NAALADL2: variants seen among roughly 807,000 people sequenced by gnomAD.
NAALADL2 encodes N-acetylated alpha-linked acidic dipeptidase like 2.
Under a neutral mutation model 87.2 loss-of-function variants are expected in NAALADL2, and 76 were observed. The observed-to-expected ratio is 0.87, with a 90% CI of 0.72 to 1.05. The LOEUF is 1.05. Ranked by LOEUF, NAALADL2 falls within the 50% of genes least tolerant of loss-of-function variation. The pLI is 0.00. For missense variants in NAALADL2, 1,089 were observed against 945.8 expected (o/e 1.15, Z -1.99); for synonymous variants, 354 against 331.0 (o/e 1.07, Z -0.75).
chr3:175,284,719 TA>T (rs1351251495), intron 4 of NAALADL2, among the ~76,000 whole-genome samples: 1 of 152,060 alleles, frequency 6.6e-6, no homozygotes, highest in Non-Finnish European at 1.5e-5. Flanking sequence ...ATTACATAAC[TA>T]AATTAAAATA....
At position 174,962,377 on chromosome 3, in the gene NAALADL2, T is replaced by TATATATATATATGTCATAGTGACTATGAC. The variant is rs1560417031; in HGVS notation, c.43+102939_43+102940insGTCATAGTGACTATGACATATATATATAT. Among the ~76,000 whole-genome samples the TATATATATATATGTCATAGTGACTATGAC allele has an allele frequency of 2.7e-4, 27 of 101,424 alleles. 1 individual carries two copies. Among genetic ancestry groups the TATATATATATATGTCATAGTGACTATGAC allele is most frequent in the African/African-American group, 2.3e-3 (25 of 10,962 alleles). The allele number at this position is 101,424 out of a possible 152,430, so 66.5% of individuals were successfully genotyped here. A position where few individuals can be genotyped will look rare whatever the true frequency, so the allele number is the denominator to read the frequency against. ...ATTGTCATAGTGACTATGACATATA[T>TATATATATATATGTCATAGTGACTATGAC]ATATATATATATATATATGTCATAG... On this transcript the variant is annotated intron_variant, in intron 1 of 13. Transcript: ENST00000454872.
At position 175,700,265 on chromosome 3, in the gene NAALADL2, G is replaced by A. The variant is rs992686291; in HGVS notation, c.1897-37041G>A. Among the ~76,000 whole-genome samples, 6 of 152,090 alleles carry A rather than the reference G, an allele frequency of 3.9e-5. 1 individual carries two copies. The highest frequency in any genetic ancestry group is 4.8e-5 in the African/African-American group (2 of 41,416). Reference sequence around the variant, plus strand: ...TTTTCCCCCAGCTTCAGTTGAGGCCGTTGATTGGAATAAATTGAGGATCAA... The same window carrying A: ...TTTTCCCCCAGCTTCAGTTGAGGCCATTGATTGGAATAAATTGAGGATCAA... On this transcript the variant is annotated intron_variant, in intron 11 of 13. Transcript: ENST00000454872.
intron 2 of NAALADL2, among the ~76,000 whole-genome samples, chr3:174,601,410 T>A (rs1438890915): frequency 6.6e-6 from 1 of 152,220 alleles, no homozygotes; most frequent in Non-Finnish European, 1.5e-5. Flanking sequence ...TGAGCACCTC[T>A]TCATATACCT....
At chr3:174,536,636 G>A (rs1199215791) in intron 1 of NAALADL2, 6 of 152,134 alleles carry the variant, frequency 3.9e-5, no homozygotes, top group Admixed American at 3.9e-4. Context: ...CCAGCTGGAC[G>A]TTCAAAATAG....
intron 2 of NAALADL2, among the ~76,000 whole-genome samples, chr3:174,605,463 C>T (rs546192788): frequency 9.2e-5 from 14 of 152,324 alleles, no homozygotes; most frequent in Non-Finnish European, 1.8e-4. Context: ...CACTCCCACC[C>T]GAATACTGCA....
In NAALADL2 at chr3:174,831,699, G is replaced by A. The variant is rs992953918; in HGVS notation, c.-9+93953G>A. 2.6e-4 allele frequency among the ~76,000 whole-genome samples: 40 copies of A among 151,026 alleles called. 1 individual carries two copies. The highest frequency in any genetic ancestry group is 1.3e-4 in the Admixed American group (2 of 15,136). On this transcript the variant is annotated intron_variant, in intron 3 of 3. Transcript: ENST00000434257. ...GAAGGAATGGTACCAGTTCCTCCTT[G>A]TACCTCTGGTAGAATTCGGCTGTGA... is the stretch of plus-strand genomic sequence containing the variant.
Position 175,392,561 on chromosome 3 carries a change from T to G in NAALADL2, c.1091-54668T>G, listed in dbSNP as rs965546132. ...ATTCTTGAAAGCATGAAAATAAAAT[T>G]TATTTCCCTCATGATTTTCTCAATT... is the stretch of plus-strand genomic sequence containing the variant. On this transcript the variant is annotated intron_variant, in intron 5 of 13. Coordinates refer to ENST00000454872, the MANE Select transcript of NAALADL2 (RefSeq NM_207015.3). 3.9e-5 allele frequency among the ~76,000 whole-genome samples: 6 copies of G among 152,166 alleles called. No individual in the cohort carries two copies. In the East Asian group the frequency reaches 9.6e-4, roughly 24 times the overall value.
chr3:174,792,240 A>G (rs1023163671), intron 3 of NAALADL2, among the ~76,000 whole-genome samples: 9 of 149,102 alleles, frequency 6.0e-5, no homozygotes, highest in African/African-American at 2.2e-4. Flanking sequence ...AAAGAGAGAA[A>G]GAAGACGAAG....
chr3:175,112,519 A>G (rs1724368358), intron 2 of NAALADL2: 1 of 151,652 alleles, frequency 6.6e-6, no homozygotes, highest in Non-Finnish European at 1.5e-5. Flanking sequence ...CTCCTCTGTC[A>G]TGACATTAGC....
intron 9 of NAALADL2, among the ~76,000 whole-genome samples, chr3:175,520,765 A>G (rs1209445120): frequency 6.6e-6 from 1 of 152,226 alleles, no homozygotes; most frequent in African/African-American, 2.4e-5. Flanking sequence ...CAAAGGGATT[A>G]GATGTATTCT....
chr3:175,236,548 C>CAAAAA (rs34787558), intron 3 of NAALADL2, among the ~76,000 whole-genome samples: 1 of 98,954 alleles, frequency 1.0e-5, no homozygotes, highest in Admixed American at 1.1e-4. Context: ...AACTCCTTCT[C>CAAAAA]AAAAAAAAAA....
At chr3:174,936,202 TA>T (rs1336525624) in intron 1 of NAALADL2, among the ~76,000 whole-genome samples, 5 of 152,138 alleles carry the variant, frequency 3.3e-5, no homozygotes, top group African/African-American at 1.2e-4. Flanking sequence ...CATTGTTATA[TA>T]TATGCTTTCC....
At chr3:174,917,104 C>T (rs954806186) in intron 1 of NAALADL2, among the ~76,000 whole-genome samples, 1 of 151,986 alleles carries the variant, frequency 6.6e-6, no homozygotes, top group Non-Finnish European at 1.5e-5. Flanking sequence ...TTTGATTTAA[C>T]TTTGTTTCAG....
chr3:175,062,667 G>A (rs1713759508), intron 1 of NAALADL2, among the ~76,000 whole-genome samples: 1 of 151,910 alleles, frequency 6.6e-6, no homozygotes, highest in Non-Finnish European at 1.5e-5. Flanking sequence ...TCTATAACGG[G>A]GCTAATTTTT....
chr3:175,568,890 G>T (rs1717622924), intron 9 of NAALADL2, among the ~76,000 whole-genome samples: 1 of 152,152 alleles, frequency 6.6e-6, no homozygotes, highest in Admixed American at 6.5e-5. Flanking sequence ...AAGTTCAAGT[G>T]ATATTTCAAT....
chr3:175,324,973 T>C (rs1222761231), intron 5 of NAALADL2, among the ~76,000 whole-genome samples: 3 of 152,210 alleles, frequency 2.0e-5, no homozygotes, highest in East Asian at 1.9e-4. Flanking sequence ...CACCGCATCA[T>C]TGAATTTCTG....
At chr3:174,816,491 A>G (rs1720833438) in intron 3 of NAALADL2, among the ~76,000 whole-genome samples, 1 of 136,740 alleles carries the variant, frequency 7.3e-6, no homozygotes, top group Admixed American at 7.2e-5. Flanking sequence ...ACACGCATAT[A>G]TATACATTAT....
intron 4 of NAALADL2, among the ~76,000 whole-genome samples, chr3:175,268,006 C>T (rs1367063885): frequency 1.3e-5 from 2 of 152,172 alleles, no homozygotes; most frequent in Non-Finnish European, 2.9e-5. Flanking sequence ...TGGTAAGGAA[C>T]AGTTCCTACT....
upstream of NAALADL2, among the ~76,000 whole-genome samples, chr3:174,856,890 G>A (rs1725916441): frequency 6.6e-6 from 1 of 152,122 alleles, no homozygotes; most frequent in Admixed American, 6.6e-5. Context: ...GATGGAAAAG[G>A]CATTAAATTT....
Sources: gnomAD v4.1 joint callset for allele counts (sites outside exome capture counted in the v4.1 genomes callset) on GRCh38, gnomAD v4.1.1 for gene constraint, MANE v1.5 for transcripts, NCBI Gene and HGNC (gene_info 2026-07-23, HGNC 2026-07-21) for gene names.